The following CACNB2 variants were observed in gnomAD, a reference collection of about 807,000 sequenced individuals.
CACNB2 encodes voltage-dependent L-type calcium channel subunit beta-2.
In CACNB2, 42 loss-of-function variants were observed where a neutral mutation model predicts 73.3. The observed-to-expected ratio is 0.57, with a 90% CI of 0.45 to 0.74. The LOEUF (loss-of-function observed/expected upper bound fraction) is 0.74, where lower values mean the gene tolerates loss of function less well. Ranked by LOEUF, CACNB2 falls within the 30% of genes least tolerant of loss-of-function variation. CACNB2 has a pLI of 0.00. For synonymous variants in CACNB2, 348 were observed against 310.3 expected, an observed-to-expected ratio of 1.12 and a Z score of -1.28; for missense variants, 940 against 853.0, an observed-to-expected ratio of 1.10 and a Z score of -1.27.
At chr10:18,313,195 A>G (rs898748701) in intron 2 of CACNB2, among the ~76,000 whole-genome samples, 3 of 151,578 alleles carry the variant, frequency 2.0e-5, no homozygotes, top group Non-Finnish European at 4.4e-5. Flanking sequence ...TTATATCTCC[A>G]GTATATTCCC....
In CACNB2 at chr10:18,482,446, A is replaced by G. The variant is rs538236113; in HGVS notation, c.334-15909A>G. ...ACTGACAGAAGAACCTACGGAAGTT[A>G]TAATATCTCCTGGCTAGACTGAAGA... On this transcript the variant is annotated intron_variant, in intron 3 of 13. Transcript: ENST00000324631. 9.8e-5 allele frequency among the ~76,000 whole-genome samples: 15 copies of G among 152,298 alleles called. No individual in the cohort carries two copies. The South Asian group carries it at 1.9e-3, about 19-fold the overall frequency.
At chr10:18,486,099 A>C (rs2132888526) in intron 3 of CACNB2, among the ~76,000 whole-genome samples, 1 of 152,294 alleles carries the variant, frequency 6.6e-6, no homozygotes, top group African/African-American at 2.4e-5. Flanking sequence ...TCACCTTTGT[A>C]TTAGGAAATG....
intron 2 of CACNB2, among the ~76,000 whole-genome samples, chr10:18,192,796 C>T (rs1399039078): frequency 6.6e-6 from 1 of 152,126 alleles, no homozygotes; most frequent in African/African-American, 2.4e-5. Flanking sequence ...AAGGACCACC[C>T]ACATTGCAGC....
chr10:18,475,711 A>G (rs1356749394), intron 3 of CACNB2, among the ~76,000 whole-genome samples: 2 of 152,196 alleles, frequency 1.3e-5, no homozygotes, highest in Non-Finnish European at 2.9e-5. Flanking sequence ...GAAACTTCGT[A>G]TAATGACAGT....
intron 2 of CACNB2, among the ~76,000 whole-genome samples, chr10:18,394,296 C>G (rs1000189066): frequency 6.6e-6 from 1 of 152,070 alleles, no homozygotes; most frequent in Non-Finnish European, 1.5e-5. Context: ...AGAGAGCAAG[C>G]GAGCGTGCCT....
intron 7 of CACNB2, among the ~76,000 whole-genome samples, chr10:18,517,465 C>T (rs1648438439): frequency 6.6e-6 from 1 of 152,134 alleles, no homozygotes; most frequent in South Asian, 2.1e-4. Flanking sequence ...AATTTAGCTC[C>T]TCCCCTCTTA....
chr10:18,503,432 A>G (rs772205440), intron 5 of CACNB2, among the ~76,000 whole-genome samples: 2 of 152,126 alleles, frequency 1.3e-5, no homozygotes, highest in African/African-American at 2.4e-5. Context: ...CCCTGTCTCT[A>G]CCAAAAGTAT....
At chr10:18,460,663 G>A (rs759607601) in intron 3 of CACNB2, among the ~76,000 whole-genome samples, 1 of 151,982 alleles carries the variant, frequency 6.6e-6, no homozygotes, top group Non-Finnish European at 1.5e-5. Flanking sequence ...GGTCAAGGCG[G>A]GAAGATCACT....
rs770240868 is a variant in CACNB2 at position 18,534,095 on chromosome 10, C to A, written c.1074C>A (p.Ile358=). ...TTACAGCGGAAGTTCAGAGTGAAAT[C>A]GAAAGGATTTTTGAACTTGCAAGAA... ...RSSLAEVQSE[I]ERIFELARTL... The change falls in exon 11 of 14, where the codon ATC becomes ATA. Residue 358 remains isoleucine (I), a synonymous_variant. Transcript: ENST00000324631. 2 of 1,614,012 alleles carry A rather than the reference C, an allele frequency of 1.2e-6. No individual in the cohort carries two copies. Among genetic ancestry groups the A allele is most frequent in the Admixed American group, 3.3e-5 (2 of 60,014 alleles).
intron 2 of CACNB2, among the ~76,000 whole-genome samples, chr10:18,395,746 T>TTGC (rs1406849048): frequency 1.3e-5 from 2 of 152,200 alleles, no homozygotes; most frequent in Non-Finnish European, 1.5e-5. Context: ...CAGCGATGTA[T>TTGC]TGCTATCACC....
At chr10:18,316,458 T>TC (rs377383714) in intron 2 of CACNB2, among the ~76,000 whole-genome samples, 12,215 of 147,620 alleles carry the variant, frequency 0.083, 648 homozygotes, top group Non-Finnish European at 0.12. Flanking sequence ...CTTTTTTTCT[T>TC]CCCCCCTCTC....
intron 3 of CACNB2, among the ~76,000 whole-genome samples, chr10:18,489,414 A>G (rs1376599867): frequency 7.3e-6 from 1 of 136,250 alleles, no homozygotes; most frequent in African/African-American, 2.7e-5. Flanking sequence ...AAAAAAAAAA[A>G]TCTTTCACAA....
chr10:18,447,059 C>CA lies in CACNB2; in HGVS notation c.333+45028dup, dbSNP rs373210078. 6.0e-3 allele frequency among the ~76,000 whole-genome samples: 735 copies of CA among 121,766 alleles called. 2 individuals carry two copies. Among genetic ancestry groups the CA allele is most frequent in the African/African-American group, 8.6e-3 (284 of 33,122 alleles). The allele number at this position is 121,766 out of a possible 152,430, so 79.9% of individuals were successfully genotyped here. On this transcript the variant is annotated intron_variant, in intron 3 of 13. Transcript: ENST00000324631. Reference sequence around the variant, plus strand: ...TGGGTGACAGAGCAAGGCTCTGTCTCAAAAAAAAAAAATAAATAAATAAAA... The same window carrying CA: ...TGGGTGACAGAGCAAGGCTCTGTCTCAAAAAAAAAAAAATAAATAAATAAAA...
chr10:18,174,385 T>TC lies in CACNB2; in HGVS notation c.213+23410_213+23411insC, dbSNP rs1258226805. Among the ~76,000 whole-genome samples, 132 of 33,364 alleles carry TC rather than the reference T, an allele frequency of 4.0e-3. 1 individual carries two copies. The highest frequency in any genetic ancestry group is 0.027 in the African/African-American group (126 of 4,610). 21.9% of individuals were successfully genotyped at this position (33,364 alleles called of 152,430 possible). ...CCTTTTTCTTTCTTTCTCTTTTTCT[T>TC]TTCTTTCTTTCTCTCTTTCTTTCCT... On this transcript the variant is annotated intron_variant, in intron 2 of 13. Transcript: ENST00000324631.
chr10:18,257,767 G>T (rs569599026), intron 2 of CACNB2, among the ~76,000 whole-genome samples: 3 of 152,188 alleles, frequency 2.0e-5, no homozygotes, highest in African/African-American at 7.2e-5. Flanking sequence ...TTTTTGAGAT[G>T]GAGTTTCCGT....
At chr10:18,297,391 A>C (rs1403349968) in intron 2 of CACNB2, among the ~76,000 whole-genome samples, 1 of 152,146 alleles carries the variant, frequency 6.6e-6, no homozygotes, top group Non-Finnish European at 1.5e-5. Context: ...AAAAACATTT[A>C]GAAGAATTTT....
At chr10:18,258,576 AT>A (rs2037383604) in intron 2 of CACNB2, among the ~76,000 whole-genome samples, 2 of 151,698 alleles carry the variant, frequency 1.3e-5, no homozygotes, top group African/African-American at 2.4e-5. Flanking sequence ...AAATACAAAA[AT>A]TTAGCCAGGC....
At chr10:18,535,386 T>C (rs1310605512) in intron 11 of CACNB2, among the ~76,000 whole-genome samples, 1 of 152,096 alleles carries the variant, frequency 6.6e-6, no homozygotes, top group Non-Finnish European at 1.5e-5. Flanking sequence ...TGCAGCAGGT[T>C]GACTGTAGAA....
intron 6 of CACNB2, among the ~76,000 whole-genome samples, chr10:18,513,861 T>C (rs1298161517): frequency 6.6e-6 from 1 of 152,254 alleles, no homozygotes; most frequent in African/African-American, 2.4e-5. Flanking sequence ...TTGTTTGTTA[T>C]CTCAAAGCTG....
Sources: gnomAD v4.1 joint callset for allele counts (sites outside exome capture counted in the v4.1 genomes callset) on GRCh38, gnomAD v4.1.1 for gene constraint, MANE v1.5 for transcripts, NCBI Gene and HGNC (gene_info 2026-07-23, HGNC 2026-07-21) for gene names.